Variants in ACYP2 observed in about 807,000 individuals in gnomAD.
ACYP2 encodes the protein acylphosphatase 2, also known as acylphosphatase-2.
Under a neutral mutation model 11.2 loss-of-function variants are expected in ACYP2, and 12 were observed. The ratio of observed to expected loss-of-function variants is 1.08; its 90% CI spans 0.69 to 1.74. The LOEUF (loss-of-function observed/expected upper bound fraction) is 1.74. Among genes scored for constraint, ACYP2 ranks in the 40% most tolerant of loss-of-function variants. The pLI, the probability that ACYP2 is intolerant of heterozygous loss-of-function variation, is 0.00. For synonymous variants in ACYP2, 43 were observed against 32.2 expected, an observed-to-expected ratio of 1.33 and a Z score of -1.13; for missense variants, 134 against 101.9, an observed-to-expected ratio of 1.31 and a Z score of -1.35.
chr2:54,148,656 T>A (rs1682010301), intron 6 of ACYP2, among the ~76,000 whole-genome samples: 1 of 152,116 alleles, frequency 6.6e-6, no homozygotes, highest in African/African-American at 2.4e-5. Context: ...TGAAGCCACA[T>A]ACATGGATGG....
At chr2:54,246,243 ATTTG>A (rs1686946859) in intron 6 of ACYP2, among the ~76,000 whole-genome samples, 1 of 151,984 alleles carries the variant, frequency 6.6e-6, no homozygotes, top group Non-Finnish European at 1.5e-5. Flanking sequence ...ATACTTTAGA[ATTTG>A]TTTGTCTCAT....
In ACYP2 at chr2:54,266,628, C is replaced by T. The variant is rs543327551; in HGVS notation, c.405-38060C>T. Among the ~76,000 whole-genome samples the T allele has an allele frequency of 1.3e-4, 9 of 70,884 alleles. No homozygotes were observed. In the Admixed American group the frequency reaches 1.7e-3, roughly 13 times the overall value. The allele number at this position is 70,884 out of a possible 152,430, so 46.5% of individuals were successfully genotyped here. ...TTTTTTTTTTTTTTTTTTTTTGAGA[C>T]GGAGTCTCCCTCTGTTGCCCATGCT... On this transcript the variant is annotated intron_variant, in intron 6 of 6. Coordinates refer to ENST00000607452, the MANE Select transcript of ACYP2 (RefSeq NM_001320586.2).
chr2:54,282,486 A>C (rs995512030), intron 6 of ACYP2, among the ~76,000 whole-genome samples: 4 of 152,216 alleles, frequency 2.6e-5, no homozygotes, highest in African/African-American at 9.6e-5. Context: ...ACCTGGAACA[A>C]AGTTCTGCCT....
intron 2 of ACYP2, among the ~76,000 whole-genome samples, chr2:54,027,192 T>C (rs775492917): frequency 1.3e-5 from 2 of 152,178 alleles, no homozygotes; most frequent in Admixed American, 6.6e-5. Flanking sequence ...ACTGAGAAGA[T>C]AGCAGAAGCA....
At chr2:54,011,164 A>T (rs1673349019) in intron 2 of ACYP2, among the ~76,000 whole-genome samples, 1 of 152,252 alleles carries the variant, frequency 6.6e-6, no homozygotes, top group Non-Finnish European at 1.5e-5. Context: ...TCAAGCTTAA[A>T]TATCCAAGTA....
chr2:54,049,470 C>T (rs572974216), intron 2 of ACYP2, among the ~76,000 whole-genome samples: 1 of 152,154 alleles, frequency 6.6e-6, no homozygotes. Context: ...CCAAACCAAA[C>T]AAACAAAACC....
intron 6 of ACYP2, among the ~76,000 whole-genome samples, chr2:54,249,276 A>C (rs1370241542): frequency 6.6e-6 from 1 of 152,114 alleles, no homozygotes; most frequent in Non-Finnish European, 1.5e-5. Context: ...GAAAGGGAAC[A>C]ATTCTGGAAG....
At chr2:54,299,591 CAAAAA>C (rs1213298753) in intron 6 of ACYP2, among the ~76,000 whole-genome samples, 1 of 79,432 alleles carries the variant, frequency 1.3e-5, no homozygotes, top group African/African-American at 3.7e-5. Context: ...GACTCTGTCT[CAAAAA>C]AAAAAAAAAA....
chr2:54,211,573 G>T (rs986692722), intron 6 of ACYP2, among the ~76,000 whole-genome samples: 2 of 152,124 alleles, frequency 1.3e-5, no homozygotes, highest in African/African-American at 2.4e-5. Flanking sequence ...GCTATGGTTA[G>T]TGTTGTCAGT....
chr2:54,115,255 A>G, intron 4 of ACYP2: 1 of 358,288 alleles, frequency 2.8e-6, no homozygotes. Flanking sequence ...CAATGCATAC[A>G]TATGTCAAAA....
intron 4 of ACYP2, among the ~76,000 whole-genome samples, chr2:54,131,120 G>A (rs1680874050): frequency 6.6e-6 from 1 of 152,162 alleles, no homozygotes; most frequent in Non-Finnish European, 1.5e-5. Flanking sequence ...CTTAAAATTA[G>A]ACAATTGAAA....
intron 6 of ACYP2, among the ~76,000 whole-genome samples, chr2:54,299,079 G>GA (rs1272958665): frequency 2.0e-5 from 3 of 152,182 alleles, no homozygotes; most frequent in African/African-American, 2.4e-5. Context: ...AGACACAGTT[G>GA]AAAAAATGAT....
At position 54,143,765 on chromosome 2, in the gene ACYP2, G is replaced by GTGC. The variant is rs372649536; in HGVS notation, c.404+5017_404+5018insTGC. Among the ~76,000 whole-genome samples the GTGC allele has an allele frequency of 1.6e-5, 2 of 125,690 alleles. 1 individual carries two copies. 82.5% of individuals were successfully genotyped at this position (125,690 alleles called of 152,430 possible). A position where few individuals can be genotyped will look rare whatever the true frequency, so the allele number is the denominator to read the frequency against. On this transcript the variant is annotated intron_variant, in intron 6 of 6. Transcript: ENST00000607452. ...TTTTTTTTTTTTTTTTTTGGGGGGG[G>GTGC]GGTATTCTATCATGTTTTGATTTTA...
chr2:54,110,245 C>A (rs574817893), intron 4 of ACYP2, among the ~76,000 whole-genome samples: 2 of 122,126 alleles, frequency 1.6e-5, no homozygotes, highest in African/African-American at 6.4e-5. Flanking sequence ...TCTAAACTGT[C>A]CTACCTGCCA....
chr2:54,022,599 T>G (rs1052799644), intron 2 of ACYP2, among the ~76,000 whole-genome samples: 20 of 152,168 alleles, frequency 1.3e-4, no homozygotes, highest in African/African-American at 4.6e-4. Flanking sequence ...AGGGTGGTCT[T>G]GAATTTCTGA....
intron 6 of ACYP2, among the ~76,000 whole-genome samples, chr2:54,218,908 T>C (rs2103945094): frequency 6.6e-6 from 1 of 152,328 alleles, no homozygotes; most frequent in Non-Finnish European, 1.5e-5. Context: ...ACGGGCATCT[T>C]CCAGGGAGTT....
chr2:53,977,098 T>C (rs1394396238), intron 2 of ACYP2, among the ~76,000 whole-genome samples: 2 of 152,108 alleles, frequency 1.3e-5, no homozygotes, highest in Admixed American at 6.6e-5. Context: ...CCCAGGCTGG[T>C]GTGCAGTGGC....
intron 6 of ACYP2, among the ~76,000 whole-genome samples, chr2:54,245,093 C>CT (rs201363168): frequency 0.013 from 1,990 of 151,136 alleles, 26 homozygotes; most frequent in African/African-American, 0.042. Context: ...AAGAGATTGG[C>CT]TTTTTTTTTA....
chr2:54,272,405 C>T (rs1054743025), intron 6 of ACYP2, among the ~76,000 whole-genome samples: 2 of 152,172 alleles, frequency 1.3e-5, no homozygotes, highest in Admixed American at 1.3e-4. Context: ...TGAATCCGCT[C>T]GCCTGCATCT....
Sources: allele counts gnomAD v4.1 joint callset (sites outside exome capture counted in the v4.1 genomes callset), GRCh38; gene constraint gnomAD v4.1.1; transcripts MANE v1.5; gene names NCBI Gene and HGNC (gene_info 2026-07-23, HGNC 2026-07-21).